SP140: variants seen among roughly 807,000 people sequenced by gnomAD.
SP140 encodes the protein SP140 nuclear body protein, also known as nuclear body protein SP140.
In SP140, 81 loss-of-function variants were observed where a neutral mutation model predicts 125.0. The observed-to-expected ratio is 0.65, with a 90% confidence interval of 0.54 to 0.78. The LOEUF is 0.78. Ranked by LOEUF, SP140 falls within the 30% of genes least tolerant of loss-of-function variation. The pLI is 0.00. For missense variants in SP140, 858 were observed against 1,037.0 expected, an observed-to-expected ratio of 0.83 and a Z score of 2.37; for synonymous variants, 312 against 354.0, an observed-to-expected ratio of 0.88 and a Z score of 1.33.
chr2:230,280,172 T>TGG (rs2055334400), intron 15 of SP140, among the ~76,000 whole-genome samples: 1 of 152,170 alleles, frequency 6.6e-6, no homozygotes, highest in African/African-American at 2.4e-5. Context: ...CAATTCCTCT[T>TGG]TATCTTGTTG....
At chr2:230,265,248 G>T (rs1400619954) in intron 12 of SP140, among the ~76,000 whole-genome samples, 1 of 152,032 alleles carries the variant, frequency 6.6e-6, no homozygotes, top group South Asian at 2.1e-4. Context: ...GGAAATGGGG[G>T]AAAGCTGGCA....
chr2:230,275,999 A>G (rs1442138911), intron 15 of SP140, among the ~76,000 whole-genome samples: 1 of 152,164 alleles, frequency 6.6e-6, no homozygotes. Context: ...GTTTGTGGCT[A>G]GCTGATGTTG....
At chr2:230,233,341 C>T (rs1189987393) in intron 1 of SP140, among the ~76,000 whole-genome samples, 2 of 151,990 alleles carry the variant, frequency 1.3e-5, no homozygotes, top group African/African-American at 4.8e-5. Flanking sequence ...ACCAAGATAT[C>T]GCACCACTGC....
chr2:230,212,518 G>A (rs1048462639), intron 1 of SP140: 23 of 1,151,866 alleles, frequency 2.0e-5, no homozygotes, highest in South Asian at 1.1e-4. Context: ...GGCAGATAGA[G>A]CATCAAGGCA....
chr2:230,288,449 C>T (rs1474562597), intron 18 of SP140, among the ~76,000 whole-genome samples: 4 of 151,680 alleles, frequency 2.6e-5, no homozygotes, highest in Non-Finnish European at 5.9e-5. Flanking sequence ...ATGAATTAGG[C>T]CAACTATCTT....
intron 1 of SP140, among the ~76,000 whole-genome samples, chr2:230,232,473 G>T (rs1050612977): frequency 1.3e-5 from 2 of 152,242 alleles, no homozygotes; most frequent in African/African-American, 2.4e-5. Flanking sequence ...CAGGGTTGTT[G>T]TTGTTGTTGT....
In SP140 at chr2:230,247,907, G is replaced by A; in HGVS notation, c.743-9G>A. 1 of 1,606,836 alleles carries A rather than the reference G, an allele frequency of 6.2e-7. No individual in the cohort carries two copies. The highest frequency in any genetic ancestry group is 8.5e-7 in the Non-Finnish European group (1 of 1,177,712). On this transcript the variant is annotated splice_polypyrimidine_tract_variant and intron_variant, in intron 7 of 26. Transcript: ENST00000392045. ...ATACACTCTCAGAGATGCCTTTTTT[G>A]ATCCCTAGTTCTAGAAAGCAACGGG...
chr2:230,215,035 G>A lies in SP140; in HGVS notation c.-91+961G>A, dbSNP rs754278979. ...TGAACAATGTCACCAGAAGAGACAG[G>A]TTAAAAGTCCTCTCCAGTTGGGTGA... On this transcript the variant is annotated intron_variant, in intron 3 of 4. Transcript: ENST00000456542. The A allele has an allele frequency of 4.3e-5, 70 of 1,613,490 alleles. No individual in the cohort carries two copies. Among genetic ancestry groups the A allele is most frequent in the Non-Finnish European group, 5.5e-5 (65 of 1,179,504 alleles).
At chr2:230,276,651 ATGT>A (rs2054756249) in intron 15 of SP140, among the ~76,000 whole-genome samples, 1 of 151,406 alleles carries the variant, frequency 6.6e-6, no homozygotes, top group South Asian at 2.1e-4. Flanking sequence ...TAAGAAACAC[ATGT>A]TGTAATGCTA....
At chr2:230,315,092 A>G (rs2059475384), downstream of SP140, among the ~76,000 whole-genome samples, 1 of 152,230 alleles carries the variant, frequency 6.6e-6, no homozygotes, top group African/African-American at 2.4e-5. Context: ...TGACAAGGAT[A>G]TTGCTTTAGA....
intron 19 of SP140, among the ~76,000 whole-genome samples, chr2:230,291,188 T>A (rs1436795633): frequency 6.6e-6 from 1 of 152,252 alleles, no homozygotes; most frequent in Non-Finnish European, 1.5e-5. Flanking sequence ...TCTATTAGAA[T>A]GGCCATCATC....
Position 230,312,607 on chromosome 2 carries a change from G to A in SP140, c.2527G>A (p.Gly843Arg), listed in dbSNP as rs756750236. The change falls in exon 27 of 27, where the codon GGA (glycine) becomes AGA (arginine). Residue 843 changes from glycine to arginine, a missense_variant. Transcript: ENST00000392045. ...SYKYKDFGQM[G>R]FRLEAEFEKN... ...TCAGTACAAGGATTTTGGCCAAATG[G>A]GATTTAGACTGGAGGCTGAGTTTGA... 1.9e-6 allele frequency: 3 copies of A among 1,611,632 alleles called. No homozygotes were observed. Among genetic ancestry groups the A allele is most frequent in the Non-Finnish European group, 2.5e-6 (3 of 1,178,678 alleles).
intron 18 of SP140, 49 bp from the exon 19 acceptor site, chr2:230,290,411 G>A (rs2056981383): frequency 6.5e-7 from 1 of 1,530,726 alleles, no homozygotes; most frequent in Non-Finnish European, 9.0e-7. Context: ...TAGGGAGGGG[G>A]GACGTGCCTT....
At chr2:230,251,839 C>T (rs1315576695) in intron 10 of SP140, among the ~76,000 whole-genome samples, 1 of 152,104 alleles carries the variant, frequency 6.6e-6, no homozygotes, top group Non-Finnish European at 1.5e-5. Context: ...AGGGAAAGTG[C>T]TGTTATTGTT....
intron 12 of SP140, among the ~76,000 whole-genome samples, chr2:230,256,066 C>T: frequency 6.6e-6 from 1 of 152,164 alleles, no homozygotes; most frequent in South Asian, 2.1e-4. Context: ...CAATTTTACA[C>T]TGTTGGTGGG....
chr2:230,272,927 A>G (rs1199647271), intron 15 of SP140, among the ~76,000 whole-genome samples: 1 of 152,154 alleles, frequency 6.6e-6, no homozygotes, highest in Middle Eastern at 3.2e-3. Flanking sequence ...TCCTTACACC[A>G]TATACAAAAA....
chr2:230,278,807 T>C (rs1241656300), intron 15 of SP140, among the ~76,000 whole-genome samples: 1 of 152,028 alleles, frequency 6.6e-6, no homozygotes. Context: ...AAATGCCCCT[T>C]CTTGACATCT....
At chr2:230,190,876 G>A in the SP140 span, among the ~76,000 whole-genome samples, 17 of 152,098 alleles carry the variant, frequency 1.1e-4, no homozygotes, top group Admixed American at 6.5e-4. Flanking sequence ...TAGATGTGTC[G>A]TGTTATTTCT....
rs1233197623 is a variant in SP140 at position 230,212,333 on chromosome 2, C to A, written c.-322-1321C>A. 2 of 1,590,662 alleles carry A rather than the reference C, an allele frequency of 1.3e-6. No individual in the cohort carries two copies. The highest frequency in any genetic ancestry group is 1.7e-5 in the Admixed American group (1 of 59,998). ...CACCTTGAGCTAAGCGGTATCAGCC[C>A]CAGTCAGTGTTACCTTGCACAGTGC... On this transcript the variant is annotated intron_variant, in intron 1 of 4. Coordinates refer to the SP140 transcript ENST00000456542.
Sources: gnomAD v4.1 joint callset for allele counts (sites outside exome capture counted in the v4.1 genomes callset) on GRCh38, gnomAD v4.1.1 for gene constraint, MANE v1.5 for transcripts, NCBI Gene and HGNC (gene_info 2026-07-23, HGNC 2026-07-21) for gene names.